Variants in SLC2A13 observed in about 807,000 individuals in gnomAD.
SLC2A13 encodes solute carrier family 2 member 13.
SLC2A13 carries 32 observed loss-of-function variants against 64.4 expected under a neutral mutation model. That is an observed-to-expected ratio of 0.50 (90% CI 0.37 to 0.67). The LOEUF (loss-of-function observed/expected upper bound fraction) is 0.67. Ranked by LOEUF, SLC2A13 falls within the 30% of genes least tolerant of loss-of-function variation. SLC2A13 has a pLI of 0.00. For missense variants in SLC2A13, 743 were observed against 829.2 expected, an observed-to-expected ratio of 0.90 and a Z score of 1.28; for synonymous variants, 338 against 327.1, an observed-to-expected ratio of 1.03 and a Z score of -0.36.
chr12:39,760,818 C>T (rs1436173172), intron 9 of SLC2A13, among the ~76,000 whole-genome samples: 2 of 151,874 alleles, frequency 1.3e-5, no homozygotes, highest in African/African-American at 4.8e-5. Flanking sequence ...TTCTAAGGGT[C>T]ATGATAGCAA....
chr12:40,041,991 A>G (rs1198199466), intron 2 of SLC2A13, among the ~76,000 whole-genome samples: 1 of 152,120 alleles, frequency 6.6e-6, no homozygotes, highest in African/African-American at 2.4e-5. Context: ...TGCCTCCCAT[A>G]TCCACCTGTG....
intron 1 of SLC2A13, among the ~76,000 whole-genome samples, chr12:40,049,140 T>C (rs1022519858): frequency 2.6e-5 from 4 of 152,060 alleles, no homozygotes; most frequent in African/African-American, 9.7e-5. Flanking sequence ...TAGCCTGTTA[T>C]AGTATTCAGC....
chr12:39,911,808 T>C (rs7138290), intron 4 of SLC2A13, among the ~76,000 whole-genome samples: 150,688 of 152,152 alleles, frequency 0.99, 74,650 homozygotes, highest in Middle Eastern at 1. Flanking sequence ...GGTGGGGGTA[T>C]GTCTAAAAAT....
chr12:40,078,856 C>T (rs1213295329), intron 1 of SLC2A13, among the ~76,000 whole-genome samples: 1 of 152,062 alleles, frequency 6.6e-6, no homozygotes, highest in Non-Finnish European at 1.5e-5. Flanking sequence ...CTAGTTCAAT[C>T]TTGAGAGGTT....
intron 1 of SLC2A13, among the ~76,000 whole-genome samples, chr12:40,062,658 T>C (rs1948442035): frequency 6.6e-6 from 1 of 152,096 alleles, no homozygotes; most frequent in Non-Finnish European, 1.5e-5. Context: ...TATACTGAGT[T>C]TCCATGTTTA....
chr12:39,910,843 G>T (rs1190151643), intron 4 of SLC2A13, among the ~76,000 whole-genome samples: 1 of 152,072 alleles, frequency 6.6e-6, no homozygotes, highest in African/African-American at 2.4e-5. Flanking sequence ...CCAGCACTTT[G>T]GGAGGGTGAG....
intron 1 of SLC2A13, among the ~76,000 whole-genome samples, chr12:40,051,156 A>G (rs1382155187): frequency 6.6e-6 from 1 of 152,196 alleles, no homozygotes; most frequent in Non-Finnish European, 1.5e-5. Context: ...AATAACTTCA[A>G]AATAACATGG....
chr12:40,014,962 G>C (rs1332469394), intron 3 of SLC2A13, among the ~76,000 whole-genome samples: 1 of 152,162 alleles, frequency 6.6e-6, no homozygotes, highest in Non-Finnish European at 1.5e-5. Context: ...TAAGTAATAT[G>C]TAAAAACTCC....
rs184805640 is a variant in SLC2A13 at position 40,004,162 on chromosome 12, G to A, written c.925+24139C>T. ...CAAGTATATGGGAAGATGTACATAG[G>A]TTATATGCAAATACTATACAATTTT... On this transcript the variant is annotated intron_variant, in intron 3 of 9. Transcript: ENST00000280871. Among the ~76,000 whole-genome samples, 19 of 152,056 alleles carry A rather than the reference G, an allele frequency of 1.2e-4. No individual in the cohort carries two copies. The East Asian group carries it at 3.7e-3, about 29-fold the overall frequency.
At chr12:39,911,103 A>G (rs1945420784) in intron 4 of SLC2A13, among the ~76,000 whole-genome samples, 1 of 152,018 alleles carries the variant, frequency 6.6e-6, no homozygotes, top group Admixed American at 6.6e-5. Flanking sequence ...ACAAACAAAC[A>G]AAAATTAGGT....
intron 3 of SLC2A13, among the ~76,000 whole-genome samples, chr12:39,977,002 G>A (rs1423286338): frequency 1.3e-5 from 2 of 152,148 alleles, no homozygotes; most frequent in African/African-American, 2.4e-5. Context: ...AACAACATCA[G>A]GAAGGAAAGC....
intron 7 of SLC2A13, among the ~76,000 whole-genome samples, chr12:39,795,384 C>T (rs1337900596): frequency 6.6e-6 from 1 of 151,976 alleles, no homozygotes; most frequent in Non-Finnish European, 1.5e-5. Context: ...AGTTATAAAT[C>T]TGCTTATTGT....
intron 3 of SLC2A13, among the ~76,000 whole-genome samples, chr12:40,024,877 C>T (rs746858201): frequency 5.3e-5 from 8 of 152,192 alleles, no homozygotes; most frequent in East Asian, 3.9e-4. Flanking sequence ...GAAACTGAGG[C>T]GCGGCAACTC....
At chr12:39,888,220 ATATTTATT>A (rs1374821215) in intron 4 of SLC2A13, among the ~76,000 whole-genome samples, 1 of 151,954 alleles carries the variant, frequency 6.6e-6, no homozygotes, top group African/African-American at 2.4e-5. Context: ...GTTTTTATTT[ATATTTATT>A]TATTTATTTA....
At chr12:39,966,982 T>C (rs1309774653) in intron 3 of SLC2A13, among the ~76,000 whole-genome samples, 1 of 152,124 alleles carries the variant, frequency 6.6e-6, no homozygotes, top group Non-Finnish European at 1.5e-5. Context: ...TATTTGAAAA[T>C]CTACATATGG....
intron 7 of SLC2A13, among the ~76,000 whole-genome samples, chr12:39,813,921 C>CA (rs1375509222): frequency 6.6e-6 from 1 of 152,198 alleles, no homozygotes; most frequent in Non-Finnish European, 1.5e-5. Context: ...CTGAAGCCTA[C>CA]ACAGTCACAT....
rs545160938 is a variant in SLC2A13 at position 39,792,667 on chromosome 12, GC to G, written c.1446-27810del. ...CACACATACTCAAGTCCTGCAGTTG[GC>G]CCTACAGATACCAAAAGTCAGATAT... On this transcript the variant is annotated intron_variant, in intron 7 of 9. Transcript: ENST00000280871. Among the ~76,000 whole-genome samples, 9 of 152,174 alleles carry G rather than the reference GC, an allele frequency of 5.9e-5. No individual in the cohort carries two copies. In the East Asian group the frequency reaches 1.7e-3, roughly 29 times the overall value.
intron 3 of SLC2A13, among the ~76,000 whole-genome samples, chr12:40,009,149 T>C (rs1295876207): frequency 6.6e-6 from 1 of 152,162 alleles, no homozygotes; most frequent in African/African-American, 2.4e-5. Context: ...AAATCTGTTA[T>C]GGCCAGCAGT....
chr12:39,924,238 T>C (rs916141020), intron 4 of SLC2A13, among the ~76,000 whole-genome samples: 21 of 152,028 alleles, frequency 1.4e-4, no homozygotes, highest in Non-Finnish European at 3.1e-4. Flanking sequence ...CTAAAATGAA[T>C]ACCTTTACTA....
Sources: gnomAD v4.1 joint callset for allele counts (sites outside exome capture counted in the v4.1 genomes callset) on GRCh38, gnomAD v4.1.1 for gene constraint, MANE v1.5 for transcripts, NCBI Gene and HGNC (gene_info 2026-07-23, HGNC 2026-07-21) for gene names.